SPEN: variants seen among roughly 807,000 people sequenced by gnomAD.
The protein encoded by SPEN is msx2-interacting protein.
A neutral mutation model predicts 269.9 loss-of-function variants in SPEN; 18 were observed. That is an observed-to-expected ratio of 0.07 (90% confidence interval 0.05 to 0.10). The LOEUF is 0.10. SPEN is among the 10% of genes least tolerant of loss of function. SPEN has a pLI of 1.00. For missense variants in SPEN, 3,822 were observed against 4,631.2 expected, an observed-to-expected ratio of 0.83 and a Z score of 5.07; for synonymous variants, 1,726 against 1,765.7, an observed-to-expected ratio of 0.98 and a Z score of 0.56.
In SPEN at chr1:15,848,185, C is replaced by T; in HGVS notation, c.83+35C>T. 1 of 1,398,568 alleles carries T rather than the reference C, an allele frequency of 7.2e-7. No individual in the cohort carries two copies. Among genetic ancestry groups the T allele is most frequent in the Non-Finnish European group, 9.5e-7 (1 of 1,047,892 alleles). The allele number at this position is 1,398,568 out of a possible 1,614,324, so 86.6% of individuals were successfully genotyped here. On this transcript the variant is annotated intron_variant, in intron 1 of 14. Coordinates refer to ENST00000375759, the MANE Select transcript of SPEN (RefSeq NM_015001.3). This position sits in a 1 kb window ranked among gnomAD's most constrained non-coding sequence, Gnocchi z 5.1. ...ACGAGGCCCGCGGCCGCGCTCGCTC[C>T]TCGGGCGCCGCTTCCCGCCCCGGCC...
At position 15,908,133 on chromosome 1, in the gene SPEN, G is replaced by T. The variant is rs1404898119; in HGVS notation, c.882-1188G>T. On this transcript the variant is annotated intron_variant, in intron 3 of 14. Coordinates refer to ENST00000375759, the MANE Select transcript of SPEN (RefSeq NM_015001.3). ...GCACCTACCTGGAAAATTATTTTGG[G>T]TATTGTTTTCCTAAAAATTACCCAT... Among the ~76,000 whole-genome samples the T allele has an allele frequency of 4.6e-5, 7 of 152,074 alleles. No homozygotes were observed. In the East Asian group the frequency reaches 1.2e-3, roughly 25 times the overall value.
rs766202477 is a variant in SPEN, at chr1:15,904,028, A to G, written c.882-5293A>G. Reference sequence around the variant, plus strand: ...CTCTAACAAAATTGAGAACATAAAAAATTTTTAAAAATTAAAATGGACAAG... The same window carrying G: ...CTCTAACAAAATTGAGAACATAAAAGATTTTTAAAAATTAAAATGGACAAG... On this transcript the variant is annotated intron_variant, in intron 3 of 14. Coordinates refer to ENST00000375759, the MANE Select transcript of SPEN (RefSeq NM_015001.3). Among the ~76,000 whole-genome samples, 39 of 152,294 alleles carry G rather than the reference A, an allele frequency of 2.6e-4. 1 individual carries two copies. The highest frequency in any genetic ancestry group is 3.1e-4 in the Non-Finnish European group (21 of 68,020).
intron 9 of SPEN, among the ~76,000 whole-genome samples, chr1:15,921,958 G>C (rs1174341432): frequency 6.6e-6 from 1 of 152,186 alleles, no homozygotes; most frequent in Non-Finnish European, 1.5e-5. Context: ...GCTGGATTTA[G>C]TTGATCTGAT....
chr1:15,930,622 A>G lies in SPEN; in HGVS notation c.4382A>G (p.Asn1461Ser). ...TCCCTCTCTTCATCTCGTGAAGAAA[A>G]TTGGTCTTTTCTTGATTGGGACTCC... is the stretch of plus-strand genomic sequence containing the variant. ...AKSLSSSREE[N>S]WSFLDWDSRF... The change falls in exon 11 of 15, where the codon AAT (asparagine) becomes AGT (serine). Residue 1461 changes from asparagine (N) to serine (S), a missense_variant. By Grantham distance (46) the Asn-to-Ser change is conservative. This residue lies in a region of SPEN where 267 missense variants were observed against 315.5 expected (regional missense o/e 0.85). Transcript: ENST00000375759. This position sits in a 1 kb window ranked among gnomAD's most constrained non-coding sequence, Gnocchi z 5.3. The G allele has an allele frequency of 6.2e-7, 1 of 1,614,188 alleles. No individual in the cohort carries two copies. Among genetic ancestry groups the G allele is most frequent in the Non-Finnish European group, 8.5e-7 (1 of 1,180,032 alleles).
At chr1:15,902,973 C>A (rs2070918124) in intron 3 of SPEN, among the ~76,000 whole-genome samples, 1 of 151,908 alleles carries the variant, frequency 6.6e-6, no homozygotes, top group Admixed American at 6.6e-5. Flanking sequence ...AAAAAAAAAA[C>A]CAGTATAGAT....
Position 15,887,435 on chromosome 1 carries a change from C to T in SPEN, c.881+10757C>T, listed in dbSNP as rs532750281. On this transcript the variant is annotated intron_variant, in intron 3 of 14. Transcript: ENST00000375759. ...AGCTTGGGACCACAAGCGCCCGCCA[C>T]CACGCCCAGCTAATTTTTTGTATTT... 1.6e-4 allele frequency among the ~76,000 whole-genome samples: 24 copies of T among 151,704 alleles called. No individual in the cohort carries two copies. In the South Asian group the frequency reaches 5.0e-3, roughly 32 times the overall value.
intron 1 of SPEN, among the ~76,000 whole-genome samples, chr1:15,860,294 T>C (rs1027974332): frequency 1.3e-5 from 2 of 150,958 alleles, no homozygotes; most frequent in African/African-American, 4.9e-5. Context: ...TGGAGGGGAG[T>C]GGTATAATCC....
At chr1:15,883,032 A>C (rs905420510) in intron 3 of SPEN, among the ~76,000 whole-genome samples, 2 of 152,226 alleles carry the variant, frequency 1.3e-5, no homozygotes, top group Non-Finnish European at 2.9e-5. Context: ...TGACAGGGTC[A>C]CTGCACCCAC....
In SPEN at chr1:15,933,701, G is replaced by A. The variant is rs548824967; in HGVS notation, c.7461G>A (p.Gly2487=). 54 of 1,614,046 alleles carry A rather than the reference G, an allele frequency of 3.3e-5. No individual in the cohort carries two copies. The South Asian group carries it at 4.8e-4, about 14-fold the overall frequency. Residue 2487 remains glycine, a synonymous_variant, in exon 11 of 15, where the codon GGG becomes GGA. Transcript: ENST00000375759. The surrounding 1 kb of genome is among the most constrained non-coding windows in gnomAD (Gnocchi z 5.7). ...AAKLSPPVAS[G]GIPHQSPPTK... is the part of the protein sequence containing the mutation. Reference sequence around the variant, plus strand: ...AGCTCTCACCTCCTGTCGCCTCTGGGGGGATCCCACACCAGAGCCCCCCTA... The same window carrying A: ...AGCTCTCACCTCCTGTCGCCTCTGGAGGGATCCCACACCAGAGCCCCCCTA...
In SPEN at chr1:15,933,134, C is replaced by A. The variant is rs747289189; in HGVS notation, c.6894C>A (p.Thr2298=). The A allele has an allele frequency of 1.9e-6, 3 of 1,614,118 alleles. No individual in the cohort carries two copies. Among genetic ancestry groups the A allele is most frequent in the Non-Finnish European group, 1.7e-6 (2 of 1,180,026 alleles). Residue 2298 remains threonine (T), a synonymous_variant, in exon 11 of 15, where the codon ACC becomes ACA. Transcript: ENST00000375759. This position sits in a 1 kb window ranked among gnomAD's most constrained non-coding sequence, Gnocchi z 5.7. ...APDPSAGPTD[T]KEARGNSSET... is the part of the protein sequence containing the mutation. ...ACCCCTCAGCCGGCCCAACAGATAC[C>A]AAGGAAGCCAGAGGAAATAGCAGTG... is the stretch of plus-strand genomic sequence containing the variant.
At chr1:15,887,764 G>A (rs2070750499) in intron 3 of SPEN, among the ~76,000 whole-genome samples, 1 of 149,788 alleles carries the variant, frequency 6.7e-6, no homozygotes, top group Non-Finnish European at 1.5e-5. Flanking sequence ...GCTCACACCT[G>A]TAATCCCAGC....
At position 15,936,070 on chromosome 1, in the gene SPEN, A is replaced by G. The variant is rs2071272392; in HGVS notation, c.9830A>G (p.Gln3277Arg). 1.3e-6 allele frequency: 2 copies of G among 1,593,820 alleles called. No homozygotes were observed. The highest frequency in any genetic ancestry group is 8.6e-7 in the Non-Finnish European group (1 of 1,167,834). ...ATCCTCACAGTTACCCCCAGTAACC[A>G]ACTCCAGGGGCTGCCTCTGACCCCT... Reference protein sequence around the residue: ...ARILTVTPSNQLQGLPLTPPV... With the variant: ...ARILTVTPSNRLQGLPLTPPV... Residue 3277 changes from glutamine (Q) to arginine (R), a missense_variant, in exon 11 of 15, where the codon CAA (glutamine) becomes CGA (arginine). By Grantham distance (43) the Gln-to-Arg change is conservative. Coordinates refer to ENST00000375759, the MANE Select transcript of SPEN (RefSeq NM_015001.3).
chr1:15,928,017 G>A lies in SPEN; in HGVS notation c.1851-74G>A. 7.5e-7 allele frequency: 1 copy of A among 1,340,644 alleles called. No individual in the cohort carries two copies. Among genetic ancestry groups the A allele is most frequent in the East Asian group, 2.3e-5 (1 of 42,696 alleles). The allele number at this position is 1,340,644 out of a possible 1,614,324, so 83.0% of individuals were successfully genotyped here. A position where few individuals can be genotyped will look rare whatever the true frequency, so the allele number is the denominator to read the frequency against. ...AGATTTTTTAGAAGCAGGAATTTCT[G>A]ATTTCATATGTATGATTTTATGCAT... On this transcript the variant is annotated intron_variant, in intron 10 of 14. Coordinates refer to ENST00000375759, the MANE Select transcript of SPEN (RefSeq NM_015001.3). The surrounding 1 kb of genome is among the most constrained non-coding windows in gnomAD (Gnocchi z 5.7).
chr1:15,936,773 C>T (rs887574957), intron 11 of SPEN, among the ~76,000 whole-genome samples: 2 of 152,158 alleles, frequency 1.3e-5, no homozygotes, highest in African/African-American at 2.4e-5. Flanking sequence ...TCTGTCCCTA[C>T]TTAAAGAAAA....
At chr1:15,938,241 T>G (rs1421976187) in intron 13 of SPEN, among the ~76,000 whole-genome samples, 1 of 152,186 alleles carries the variant, frequency 6.6e-6, no homozygotes, top group Non-Finnish European at 1.5e-5. Flanking sequence ...GTAGCTGGGA[T>G]TATAGGCACG....
At chr1:15,871,780 T>A (rs1293354028) in intron 1 of SPEN, among the ~76,000 whole-genome samples, 1 of 152,226 alleles carries the variant, frequency 6.6e-6, no homozygotes, top group East Asian at 1.9e-4. Context: ...AGTTTTCCAG[T>A]ACGATTGTCA....
chr1:15,867,268 A>G (rs1318602550), intron 1 of SPEN, among the ~76,000 whole-genome samples: 1 of 152,164 alleles, frequency 6.6e-6, no homozygotes, highest in African/African-American at 2.4e-5. Context: ...TTCATTATGC[A>G]TGTTCTCAAG....
chr1:15,904,477 A>AAAAAAAAAAAAAG (rs1557750214), intron 3 of SPEN, among the ~76,000 whole-genome samples: 35 of 137,934 alleles, frequency 2.5e-4, no homozygotes, highest in African/African-American at 8.1e-4. Context: ...AAAAAAAAAA[A>AAAAAAAAAAAAAG]GTGAACTAAA....
chr1:15,926,694 C>CTTTTTTTT (rs201031337), intron 10 of SPEN, among the ~76,000 whole-genome samples: 1 of 133,874 alleles, frequency 7.5e-6, no homozygotes, highest in Admixed American at 7.5e-5. Flanking sequence ...TTCTAGTGTT[C>CTTTTTTTT]TTTTTTTTTT....
Sources: allele counts gnomAD v4.1 joint callset (sites outside exome capture counted in the v4.1 genomes callset), GRCh38; gene constraint gnomAD v4.1.1; regional missense constraint gnomAD v4.1.1; non-coding constraint Gnocchi (gnomAD v3.1); transcripts MANE v1.5; gene names NCBI Gene and HGNC (gene_info 2026-07-23, HGNC 2026-07-21).